Variants in CCNK observed in about 807,000 individuals in gnomAD.
CCNK encodes cyclin-K.
In CCNK, 9 loss-of-function variants were observed where a neutral mutation model predicts 65.0. The ratio of observed to expected loss-of-function variants is 0.14; its 90% confidence interval spans 0.08 to 0.24. The LOEUF (loss-of-function observed/expected upper bound fraction) is 0.24. Among genes scored for constraint, CCNK ranks in the 10% least tolerant of loss-of-function variants. The probability of loss-of-function intolerance (pLI) is 1.00; values close to 1 mark genes in which losing one functional copy is unlikely to be tolerated. For synonymous variants in CCNK, 279 were observed against 270.8 expected, an observed-to-expected ratio of 1.03 and a Z score of -0.30; for missense variants, 474 against 720.0, an observed-to-expected ratio of 0.66 and a Z score of 3.91.
chr14:99,495,533 A>G lies in CCNK; in HGVS notation c.315A>G (p.Lys105=). The part of the protein sequence containing the change: ...TGACCLFLAG[K]VEETPKKCKD... ...CCTGTTGCCTCTTTCTGGCTGGGAA[A>G]GTAGAAGAAACACCAAAAAAATGTA... The change falls in exon 4 of 11, where the codon AAA becomes AAG. Residue 105 remains lysine (K), a synonymous_variant. Transcript: ENST00000389879. 1.2e-6 allele frequency: 2 copies of G among 1,612,868 alleles called. No individual in the cohort carries two copies. Among genetic ancestry groups the G allele is most frequent in the Non-Finnish European group, 1.7e-6 (2 of 1,179,464 alleles).
intron 1 of CCNK, among the ~76,000 whole-genome samples, chr14:99,482,822 C>T (rs1473209415): frequency 2.6e-5 from 4 of 151,950 alleles, no homozygotes; most frequent in Non-Finnish European, 5.9e-5. Flanking sequence ...ATAAAATGGG[C>T]TAGTTCATTT....
At chr14:99,485,205 G>A (rs1283896805) in intron 1 of CCNK, among the ~76,000 whole-genome samples, 1 of 152,196 alleles carries the variant, frequency 6.6e-6, no homozygotes, top group Non-Finnish European at 1.5e-5. Context: ...GGGACCAGGA[G>A]TTTGGCCAGT....
At chr14:99,493,698 GTATT>G (rs1483406432) in intron 3 of CCNK, 103 bp downstream of exon 3, 2 of 803,372 alleles carry the variant, frequency 2.5e-6, no homozygotes, top group Non-Finnish European at 3.9e-6. Flanking sequence ...TTTCCAGAAA[GTATT>G]TATTTTTATA....
In CCNK at chr14:99,510,267, GT is replaced by G; in HGVS notation, c.1229del (p.Val410GlyfsTer20). Reference sequence around the variant, plus strand: ...TCCCCCTCCGGCCCACCCGGCCCCTGTGCACCAGCCACCGCCGCTGCCACAC... The same window carrying G: ...TCCCCCTCCGGCCCACCCGGCCCCTGGCACCAGCCACCGCCGCTGCCACAC... ...QIPPPAHPAP[V>X]HQPPPLPHRP... On this transcript the variant is annotated frameshift_variant, in exon 11 of 11. Coordinates refer to ENST00000389879, the MANE Select transcript of CCNK (RefSeq NM_001099402.2). LOFTEE classifies it high-confidence loss of function. The G allele has an allele frequency of 7.8e-7, 1 of 1,274,438 alleles. No individual in the cohort carries two copies. The highest frequency in any genetic ancestry group is 2.9e-5 in the Admixed American group (1 of 35,062). 78.9% of individuals were successfully genotyped at this position (1,274,438 alleles called of 1,614,324 possible).
intron 1 of CCNK, chr14:99,492,233 AT>A (rs1896611633): frequency 6.3e-6 from 1 of 157,730 alleles, no homozygotes; most frequent in Non-Finnish European, 1.4e-5. Context: ...CTTTGTCAAG[AT>A]TAAGACAGGC....
Position 99,504,544 on chromosome 14 carries a change from G to A in CCNK, c.1045+900G>A, listed in dbSNP as rs1896925733. The A allele has an allele frequency of 2.0e-5, 3 of 151,070 alleles. No individual in the cohort carries two copies. The South Asian group carries it at 6.3e-4, about 31-fold the overall frequency. The allele number at this position is 151,070 out of a possible 1,614,324, so 9.4% of individuals were successfully genotyped here. On this transcript the variant is annotated intron_variant, in intron 9 of 10. Coordinates refer to ENST00000389879, the MANE Select transcript of CCNK (RefSeq NM_001099402.2). ...TAACTCACCACAACCTCCGCCTCCTGGGTTCAAGCAATTCTCCTGCCTCAG... is the reference window on the plus strand; with the variant it reads ...TAACTCACCACAACCTCCGCCTCCTAGGTTCAAGCAATTCTCCTGCCTCAG...
At chr14:99,508,344 G>C (rs913961706) in intron 10 of CCNK, 2 of 152,392 alleles carry the variant, frequency 1.3e-5, no homozygotes, top group African/African-American at 4.8e-5. Context: ...TCACTGAGGA[G>C]ATGGGTGGTT....
intron 4 of CCNK, chr14:99,500,356 A>G: frequency 5.0e-6 from 1 of 201,780 alleles, no homozygotes; most frequent in Non-Finnish European, 1.0e-5. Context: ...GCTATCATAA[A>G]CTCTTTCTTG....
intron 4 of CCNK, among the ~76,000 whole-genome samples, chr14:99,499,147 C>T (rs1270859780): frequency 6.6e-6 from 1 of 152,214 alleles, no homozygotes; most frequent in Non-Finnish European, 1.5e-5. Flanking sequence ...TCGAGCGATT[C>T]TCCTGCCTCA....
chr14:99,508,285 ACCT>A (rs1259376362), intron 10 of CCNK: 6 of 152,310 alleles, frequency 3.9e-5, no homozygotes, highest in African/African-American at 1.4e-4. Flanking sequence ...TTTATGGAGC[ACCT>A]CCTCGCCAAG....
chr14:99,500,744 A>T (rs1171380041), intron 4 of CCNK, 22 bp from the exon 5 acceptor site: 2 of 1,439,470 alleles, frequency 1.4e-6, no homozygotes, highest in Admixed American at 3.9e-5. Context: ...TTACTGTCCT[A>T]ACATTTGTGA....
rs199879511 is a variant in CCNK at position 99,486,643 on chromosome 14, A to G, written c.-53+5164A>G. Reference sequence around the variant, plus strand: ...CAAAACCAGCTTTTTCTCTTGTCTTATCCATTTGTCTTTTTAGTATCACCC... The same window carrying G: ...CAAAACCAGCTTTTTCTCTTGTCTTGTCCATTTGTCTTTTTAGTATCACCC... On this transcript the variant is annotated intron_variant, in intron 1 of 10. Coordinates refer to ENST00000389879, the MANE Select transcript of CCNK (RefSeq NM_001099402.2). Among the ~76,000 whole-genome samples, 20 of 152,236 alleles carry G rather than the reference A, an allele frequency of 1.3e-4. No individual in the cohort carries two copies. The East Asian group carries it at 2.7e-3, about 21-fold the overall frequency.
intron 8 of CCNK, chr14:99,503,325 C>T (rs1006090485): frequency 2.2e-5 from 13 of 601,318 alleles, no homozygotes; most frequent in African/African-American, 9.3e-5. Context: ...AACAGTGGAC[C>T]GTTTCCTGCA....
chr14:99,503,020 C>A, intron 8 of CCNK, 36 bp downstream of exon 8: 1 of 1,612,036 alleles, frequency 6.2e-7, no homozygotes, highest in Non-Finnish European at 8.5e-7. Context: ...GTAGAGCAGG[C>A]TTTCCAGGTG....
chr14:99,487,694 A>G (rs1292718218), intron 1 of CCNK, among the ~76,000 whole-genome samples: 2 of 152,238 alleles, frequency 1.3e-5, no homozygotes, highest in African/African-American at 4.8e-5. Flanking sequence ...GAGGATAGTC[A>G]CTAGGAAAGA....
rs189880485 is a variant in CCNK, at chr14:99,512,431, A to T, written c.*1649A>T. The T allele has an allele frequency of 1.6e-4, 24 of 152,276 alleles. No homozygotes were observed. The East Asian group carries it at 4.4e-3, about 28-fold the overall frequency. The allele number at this position is 152,276 out of a possible 1,614,324, so 9.4% of individuals were successfully genotyped here. On this transcript the variant is annotated 3_prime_UTR_variant, in exon 11 of 11. Coordinates refer to ENST00000389879, the MANE Select transcript of CCNK (RefSeq NM_001099402.2). ...GCAGTCATGCATTTAGTTTTAAGAA[A>T]AAAAAAAAATCAGTAGTATGTATCT...
At chr14:99,485,524 C>T (rs1016710091) in intron 1 of CCNK, among the ~76,000 whole-genome samples, 4 of 152,148 alleles carry the variant, frequency 2.6e-5, no homozygotes, top group African/African-American at 9.7e-5. Flanking sequence ...TTTATTATCC[C>T]TTGACCAGTT....
At chr14:99,486,745 T>TC (rs1285303020) in intron 1 of CCNK, among the ~76,000 whole-genome samples, 1 of 152,232 alleles carries the variant, frequency 6.6e-6, no homozygotes, top group Non-Finnish European at 1.5e-5. Context: ...CACCCCTTGT[T>TC]CCAGCTGCCA....
chr14:99,481,686 C>A, intron 1 of CCNK: 1 of 385,976 alleles, frequency 2.6e-6, no homozygotes, highest in East Asian at 3.7e-5. Context: ...GGCGCCGGGG[C>A]GGGGCAGGGA....
Sources: allele counts gnomAD v4.1 joint callset (sites outside exome capture counted in the v4.1 genomes callset), GRCh38; gene constraint gnomAD v4.1.1; transcripts MANE v1.5; gene names NCBI Gene and HGNC (gene_info 2026-07-23, HGNC 2026-07-21).